DOCK2: variants seen among roughly 807,000 people sequenced by gnomAD.
DOCK2 encodes the protein dedicator of cytokinesis protein 2.
In DOCK2, 87 loss-of-function variants were observed where a neutral mutation model predicts 248.9. That is an observed-to-expected ratio of 0.35 (90% CI 0.29 to 0.42). The LOEUF (loss-of-function observed/expected upper bound fraction) is 0.42. Ranked by LOEUF, DOCK2 falls within the 10% of genes least tolerant of loss-of-function variation. The pLI is 1.00. For synonymous variants in DOCK2, 805 were observed against 821.6 expected (o/e 0.98, Z 0.35); for missense variants, 1,747 against 2,300.2 (o/e 0.76, Z 4.92).
chr5:170,003,490 T>C (rs1754912769), intron 30 of DOCK2, among the ~76,000 whole-genome samples: 1 of 152,212 alleles, frequency 6.6e-6, no homozygotes, highest in Admixed American at 6.5e-5. Flanking sequence ...AATCAGGAAG[T>C]GATCAGGCAG....
At chr5:169,653,004 A>G (rs1757890314) in intron 1 of DOCK2, among the ~76,000 whole-genome samples, 1 of 152,188 alleles carries the variant, frequency 6.6e-6, no homozygotes, top group Admixed American at 6.5e-5. Flanking sequence ...AGGAGTAGGA[A>G]AGAGCATGGG....
At chr5:169,813,034 C>A (rs1259838205) in intron 26 of DOCK2, among the ~76,000 whole-genome samples, 1 of 152,234 alleles carries the variant, frequency 6.6e-6, no homozygotes, top group African/African-American at 2.4e-5. Flanking sequence ...CCTGGAGCGA[C>A]TGGAGAAAGG....
At chr5:169,996,999 T>C (rs912564481) in intron 30 of DOCK2, among the ~76,000 whole-genome samples, 1 of 152,020 alleles carries the variant, frequency 6.6e-6, no homozygotes, top group Non-Finnish European at 1.5e-5. Flanking sequence ...GGGGAACCAG[T>C]GTTCAGCATA....
chr5:169,645,495 G>C (rs1299630155), intron 1 of DOCK2, among the ~76,000 whole-genome samples: 1 of 152,138 alleles, frequency 6.6e-6, no homozygotes, highest in African/African-American at 2.4e-5. Flanking sequence ...ATTTGTTTAA[G>C]TTTCTTATAG....
chr5:169,713,055 G>GCCTCGTCAAGGCTTCATCTCATAGTA (rs1761673784), intron 17 of DOCK2, among the ~76,000 whole-genome samples: 1 of 152,242 alleles, frequency 6.6e-6, no homozygotes, highest in Admixed American at 6.5e-5. Flanking sequence ...GGCAAACACA[G>GCCTCGTCAAGGCTTCATCTCATAGTA]CCTCGTCAAG....
chr5:169,871,099 C>G (rs372184252), intron 27 of DOCK2, among the ~76,000 whole-genome samples: 2 of 152,112 alleles, frequency 1.3e-5, no homozygotes, highest in African/African-American at 4.8e-5. Flanking sequence ...ATCCCATTCA[C>G]GAGGACTCCA....
At chr5:169,695,092 T>A (rs1760534277) in intron 9 of DOCK2, 1 of 152,242 alleles carries the variant, frequency 6.6e-6, no homozygotes, top group African/African-American at 2.4e-5. Context: ...CAAAAAGTGA[T>A]GTGCATCTCT....
rs74464019 is a variant in DOCK2 at position 169,804,042 on chromosome 5, T to C, written c.2703+836T>C. ...ACATAGACCCAAACAACCAATACAT[T>C]TTTTTCTAAGCATTTGTGTGAGCAT... On this transcript the variant is annotated intron_variant, in intron 26 of 51. Transcript: ENST00000520908. 2.8e-3 allele frequency among the ~76,000 whole-genome samples: 429 copies of C among 152,264 alleles called. 19 individuals carry two copies. In the East Asian group the frequency reaches 0.068, roughly 24 times the overall value.
At chr5:169,863,952 G>A (rs1342168307) in intron 27 of DOCK2, among the ~76,000 whole-genome samples, 1 of 152,192 alleles carries the variant, frequency 6.6e-6, no homozygotes, top group Non-Finnish European at 1.5e-5. Flanking sequence ...GTGTTGGAAG[G>A]TGTAGTGTGG....
intron 26 of DOCK2, among the ~76,000 whole-genome samples, chr5:169,828,351 G>A (rs1195935798): frequency 1.3e-5 from 2 of 152,196 alleles, no homozygotes; most frequent in African/African-American, 4.8e-5. Context: ...GTCAGTGAGA[G>A]TGGGCTCTGA....
chr5:169,757,425 C>A (rs993727747), intron 23 of DOCK2, among the ~76,000 whole-genome samples: 3 of 152,064 alleles, frequency 2.0e-5, no homozygotes, highest in Admixed American at 6.6e-5. Context: ...TCTTTGATTG[C>A]GAACCCTTTT....
At chr5:169,981,330 G>A (rs990238098) in intron 27 of DOCK2, among the ~76,000 whole-genome samples, 1 of 152,050 alleles carries the variant, frequency 6.6e-6, no homozygotes, top group African/African-American at 2.4e-5. Context: ...ATATATACAC[G>A]TGTATATATA....
chr5:169,878,522 G>A (rs960624717), intron 27 of DOCK2, among the ~76,000 whole-genome samples: 2 of 152,210 alleles, frequency 1.3e-5, no homozygotes, highest in African/African-American at 4.8e-5. Context: ...GCTCAGGGCT[G>A]TGAAACTGAG....
chr5:170,011,722 A>AT (rs944473682), intron 32 of DOCK2, among the ~76,000 whole-genome samples: 4 of 152,152 alleles, frequency 2.6e-5, no homozygotes, highest in Non-Finnish European at 4.4e-5. Context: ...ACAGGAAAGT[A>AT]TTTTTTTCCA....
In DOCK2 at chr5:169,650,440, C is replaced by T. The variant is rs547058436; in HGVS notation, c.44-3963C>T. Among the ~76,000 whole-genome samples the T allele has an allele frequency of 5.8e-4, 88 of 152,236 alleles. 3 individuals carry two copies. In the South Asian group the frequency reaches 0.018, roughly 31 times the overall value. On this transcript the variant is annotated intron_variant, in intron 1 of 51. Transcript: ENST00000520908. The stretch of plus-strand genomic sequence containing the variant: ...CAAAGAGAAACATTGAACTTATCTC[C>T]TAAAATTGCACAAAGCACAGAGACC...
rs1296219592 is a variant in DOCK2, at chr5:170,034,496, C to T, written c.3565C>T (p.Arg1189Trp). 3 of 1,614,110 alleles carry T rather than the reference C, an allele frequency of 1.9e-6. No homozygotes were observed. Among genetic ancestry groups the T allele is most frequent in the East Asian group, 2.2e-5 (1 of 44,870 alleles). Residue 1189 changes from arginine (R) to tryptophan (W), a missense_variant, in exon 35 of 52, where the codon CGG (arginine) becomes TGG (tryptophan). By Grantham distance (101) the Arg-to-Trp change is moderately radical (BLOSUM62 -3). Around this residue, in one of 4 missense-constraint regions of DOCK2, gnomAD observed 858 missense variants for 1,183.5 expected, o/e 0.72. Coordinates refer to ENST00000520908, the MANE Select transcript of DOCK2 (RefSeq NM_004946.3). ...CCTCCTGGAGAAGCTGCTGGATTAC[C>T]GGGGTGTGATGACAGATGAGAGCAA... ...KGLLEKLLDY[R>W]GVMTDESKDN...
intron 25 of DOCK2, among the ~76,000 whole-genome samples, chr5:169,766,593 C>T (rs75455403): frequency 3.3e-5 from 5 of 152,144 alleles, no homozygotes; most frequent in Admixed American, 3.3e-4. Context: ...TCCTCCTTTG[C>T]ATACATACCC....
chr5:170,006,679 A>T (rs191158848), intron 30 of DOCK2, among the ~76,000 whole-genome samples: 92 of 152,348 alleles, frequency 6.0e-4, no homozygotes, highest in African/African-American at 2.2e-3. Context: ...CAAGTAAAGA[A>T]AAAAGCATTC....
At chr5:169,917,974 A>G in intron 27 of DOCK2, among the ~76,000 whole-genome samples, 1 of 152,218 alleles carries the variant, frequency 6.6e-6, no homozygotes, top group Non-Finnish European at 1.5e-5. Flanking sequence ...AGGAGCCCTG[A>G]GCTAATGTGT....
Sources: allele counts gnomAD v4.1 joint callset (sites outside exome capture counted in the v4.1 genomes callset), GRCh38; gene constraint gnomAD v4.1.1; regional missense constraint gnomAD v4.1.1; transcripts MANE v1.5; gene names NCBI Gene and HGNC (gene_info 2026-07-23, HGNC 2026-07-21).